The following SLC12A3 variants were observed in gnomAD, a reference collection of about 807,000 sequenced individuals.
The protein encoded by SLC12A3 is solute carrier family 12 member 3, also known as Na-Cl cotransporter.
SLC12A3 carries 104 observed loss-of-function variants against 121.0 expected under a neutral mutation model. The observed-to-expected ratio is 0.86, with a 90% CI of 0.73 to 1.01. The LOEUF (loss-of-function observed/expected upper bound fraction) is 1.01, where lower values mean the gene tolerates loss of function less well. SLC12A3 is among the 50% of genes least tolerant of loss of function. SLC12A3 has a pLI of 0.00. For missense variants in SLC12A3, 1,328 were observed against 1,356.3 expected, an observed-to-expected ratio of 0.98 and a Z score of 0.33; for synonymous variants, 536 against 533.4, an observed-to-expected ratio of 1.00 and a Z score of -0.07.
At chr16:56,870,473 A>G (rs191776460) in intron 5 of SLC12A3, among the ~76,000 whole-genome samples, 153 bp from the exon 6 acceptor site, 35 of 152,380 alleles carry the variant, frequency 2.3e-4, no homozygotes, top group Non-Finnish European at 5.0e-4. Context: ...CCCGTGCAGC[A>G]GCTGCTTTGG....
At chr16:56,887,726 T>C (rs1322062655) in intron 17 of SLC12A3, among the ~76,000 whole-genome samples, 199 bp from the exon 18 acceptor site, 1 of 148,500 alleles carries the variant, frequency 6.7e-6, no homozygotes, top group Middle Eastern at 3.2e-3. Context: ...TCAGTCATCT[T>C]TCTCCCAATA....
At chr16:56,886,085 C>T (rs76567465) in intron 15 of SLC12A3, among the ~76,000 whole-genome samples, 1 of 152,318 alleles carries the variant, frequency 6.6e-6, no homozygotes, top group East Asian at 1.9e-4. Flanking sequence ...GTTCTTTCCC[C>T]CACCATGCTG....
At chr16:56,897,138 G>C (rs1312010268) in intron 22 of SLC12A3, among the ~76,000 whole-genome samples, 1 of 152,016 alleles carries the variant, frequency 6.6e-6, no homozygotes, top group African/African-American at 2.4e-5. Flanking sequence ...GGTTTAAAGA[G>C]AAAAGGAAGT....
At chr16:56,873,316 C>G (rs1201898665) in intron 8 of SLC12A3, among the ~76,000 whole-genome samples, 4 of 151,976 alleles carry the variant, frequency 2.6e-5, no homozygotes, top group Non-Finnish European at 4.4e-5. Flanking sequence ...CGCTCTCTAC[C>G]TGCAACTCCG....
Position 56,867,533 on chromosome 16 carries a change from A to G in SLC12A3, c.429+317A>G, listed in dbSNP as rs141938931. 1.3e-3 allele frequency among the ~76,000 whole-genome samples: 196 copies of G among 152,350 alleles called. 1 individual carries two copies. The highest frequency in any genetic ancestry group is 2.3e-3 in the South Asian group (11 of 4,828). On this transcript the variant is annotated intron_variant, in intron 2 of 25. Coordinates refer to ENST00000563236, the MANE Select transcript of SLC12A3 (RefSeq NM_001126108.2). ...GCAGGATTAAGTTTCCAGACAGTAG[A>G]CAATCAAGGACACTTGGCTTTGGAG...
At chr16:56,905,041 G>A (rs892951600) in intron 25 of SLC12A3, among the ~76,000 whole-genome samples, 3 of 152,112 alleles carry the variant, frequency 2.0e-5, no homozygotes, top group African/African-American at 4.8e-5. Flanking sequence ...TCTGAGGCCT[G>A]TAAGAAGAAC....
intron 13 of SLC12A3, among the ~76,000 whole-genome samples, chr16:56,883,050 T>G (rs2144720728): frequency 6.6e-6 from 1 of 152,150 alleles, no homozygotes; most frequent in Non-Finnish European, 1.5e-5. Flanking sequence ...TCTGTAGGGG[T>G]TTTCCAGTCT....
chr16:56,890,596 G>A (rs577368190), intron 19 of SLC12A3, among the ~76,000 whole-genome samples: 8 of 152,208 alleles, frequency 5.3e-5, no homozygotes, highest in South Asian at 4.2e-4. Flanking sequence ...CAATTGGGTC[G>A]GGGCAAAAGG....
At chr16:56,875,392 T>C (rs1024266454) in intron 8 of SLC12A3, among the ~76,000 whole-genome samples, 3 of 152,168 alleles carry the variant, frequency 2.0e-5, no homozygotes, top group Non-Finnish European at 4.4e-5. Context: ...CTTAGAATAG[T>C]GCCTGGCTCA....
chr16:56,893,970 A>AT (rs368942089), intron 21 of SLC12A3, among the ~76,000 whole-genome samples: 2 of 86,262 alleles, frequency 2.3e-5, no homozygotes, highest in African/African-American at 1.0e-4. Flanking sequence ...TTTTATTTTT[A>AT]TTTTATTTAT....
intron 12 of SLC12A3, among the ~76,000 whole-genome samples, chr16:56,880,893 C>A (rs527490392): frequency 1.1e-4 from 17 of 152,332 alleles, no homozygotes; most frequent in Non-Finnish European, 2.2e-4. Context: ...AGCAATAGTG[C>A]CTAACAGGTG....
At chr16:56,903,472 G>T (rs2055566161) in intron 24 of SLC12A3, among the ~76,000 whole-genome samples, 1 of 152,154 alleles carries the variant, frequency 6.6e-6, no homozygotes, top group South Asian at 2.1e-4. Flanking sequence ...ATTTTTGTTT[G>T]TCACAACTCG....
chr16:56,883,963 A>G (rs1344166254), intron 13 of SLC12A3, 86 bp from the exon 14 acceptor site: 15 of 1,482,630 alleles, frequency 1.0e-5, no homozygotes, highest in Non-Finnish European at 1.4e-5. Context: ...CACTGCTGGC[A>G]TTACTGCCAG....
rs55901950 is a variant in SLC12A3 at position 56,886,234 on chromosome 16, G to A, written c.1926-130G>A. The A allele has an allele frequency of 0.066, 43,637 of 656,318 alleles. 1,846 individuals are homozygous for A. The highest frequency in any genetic ancestry group is 0.083 in the Non-Finnish European group (30,593 of 369,826). The allele number at this position is 656,318 out of a possible 1,614,324, so 40.7% of individuals were successfully genotyped here. A position where few individuals can be genotyped will look rare whatever the true frequency, so the allele number is the denominator to read the frequency against. ...ACCCTGGATTTATAGGTGGGAAGCC[G>A]AGGCCCCAAGCATGTAGGGTCATGC... On this transcript the variant is annotated intron_variant, in intron 15 of 25. Coordinates refer to ENST00000563236, the MANE Select transcript of SLC12A3 (RefSeq NM_001126108.2).
At chr16:56,877,675 C>T (rs1274536244) in intron 8 of SLC12A3, among the ~76,000 whole-genome samples, 2 of 152,176 alleles carry the variant, frequency 1.3e-5, no homozygotes, top group Non-Finnish European at 2.9e-5. Context: ...CCCAGCTGGC[C>T]GCCTGGAAGT....
chr16:56,895,695 G>A (rs1289199152), intron 22 of SLC12A3, among the ~76,000 whole-genome samples: 1 of 152,070 alleles, frequency 6.6e-6, no homozygotes, highest in African/African-American at 2.4e-5. Flanking sequence ...CAGGCTTGGG[G>A]GAGAGTGGTG....
At chr16:56,906,709 G>A (rs1234609565) in intron 25 of SLC12A3, 16 of 571,438 alleles carry the variant, frequency 2.8e-5, no homozygotes, top group Non-Finnish European at 4.5e-5. Flanking sequence ...TTTGCATTTG[G>A]ATTTAGAACT....
At chr16:56,911,069 C>A (rs1306948248) in intron 25 of SLC12A3, among the ~76,000 whole-genome samples, 15 of 152,170 alleles carry the variant, frequency 9.9e-5, no homozygotes, top group African/African-American at 3.4e-4. Context: ...TGTTCCCCAC[C>A]CCCATGGTGC....
At chr16:56,904,737 C>T (rs922942754) in intron 25 of SLC12A3, 2 of 435,882 alleles carry the variant, frequency 4.6e-6, no homozygotes, top group East Asian at 9.6e-5. Context: ...TGTTGGCTGC[C>T]TTTTCCTACC....
Sources: gnomAD v4.1 joint callset for allele counts (sites outside exome capture counted in the v4.1 genomes callset) on GRCh38, gnomAD v4.1.1 for gene constraint, MANE v1.5 for transcripts, NCBI Gene and HGNC (gene_info 2026-07-23, HGNC 2026-07-21) for gene names.